SUGCT: variants seen among roughly 807,000 people sequenced by gnomAD.
SUGCT encodes the protein succinyl-CoA:glutarate CoA-transferase.
Under a neutral mutation model 55.0 loss-of-function variants are expected in SUGCT, and 41 were observed. That is an observed-to-expected ratio of 0.74 (90% confidence interval 0.58 to 0.97). SUGCT has a LOEUF of 0.97. Ranked by LOEUF, SUGCT falls within the 50% of genes least tolerant of loss-of-function variation. The pLI is 0.00. For synonymous variants in SUGCT, 187 were observed against 200.4 expected, an observed-to-expected ratio of 0.93 and a Z score of 0.56; for missense variants, 568 against 547.8, an observed-to-expected ratio of 1.04 and a Z score of -0.37.
intron 9 of SUGCT, among the ~76,000 whole-genome samples, chr7:40,425,786 G>T (rs1167581448): frequency 1.3e-5 from 2 of 152,190 alleles, no homozygotes; most frequent in East Asian, 3.9e-4. Context: ...AGGATATCAG[G>T]TTAAACCAGA....
intron 9 of SUGCT, among the ~76,000 whole-genome samples, chr7:40,353,820 T>G (rs1797758103): frequency 6.6e-6 from 1 of 152,224 alleles, no homozygotes; most frequent in African/African-American, 2.4e-5. Flanking sequence ...TTTTTCCACT[T>G]GTCACTTACT....
At chr7:40,811,432 A>G (rs1324807696) in intron 13 of SUGCT, among the ~76,000 whole-genome samples, 2 of 152,068 alleles carry the variant, frequency 1.3e-5, no homozygotes, top group African/African-American at 2.4e-5. Flanking sequence ...TGTTTAATGT[A>G]TGATTTCTTT....
intron 6 of SUGCT, among the ~76,000 whole-genome samples, chr7:40,219,432 T>C (rs967186009): frequency 9.2e-5 from 14 of 152,208 alleles, no homozygotes; most frequent in African/African-American, 3.4e-4. Context: ...GGAGAAGAAA[T>C]ACACACATGT....
At chr7:40,866,537 T>G in the SUGCT span, among the ~76,000 whole-genome samples, 54 of 150,690 alleles carry the variant, frequency 3.6e-4, no homozygotes, top group Non-Finnish European at 6.3e-4. Flanking sequence ...TGCAATGGCA[T>G]TGACACAGGC....
At position 40,788,666 on chromosome 7, in the gene SUGCT, C is replaced by A. The variant is rs190217198; in HGVS notation, c.1153+39169C>A. Among the ~76,000 whole-genome samples the A allele has an allele frequency of 3.3e-3, 497 of 152,314 alleles. 1 individual carries two copies. Among genetic ancestry groups the A allele is most frequent in the African/African-American group, 0.011 (471 of 41,578 alleles). On this transcript the variant is annotated intron_variant, in intron 13 of 13. Transcript: ENST00000335693. ...GTCTGCATTCAAAGTCCAGACATTT[C>A]TCAAGTCTGTCTCAGCCTTTGCTTT...
At chr7:40,799,102 A>G (rs1257483812) in intron 13 of SUGCT, among the ~76,000 whole-genome samples, 2 of 152,096 alleles carry the variant, frequency 1.3e-5, no homozygotes, top group East Asian at 3.9e-4. Context: ...CTCTGGGCCC[A>G]AACACATTTC....
At chr7:40,563,430 G>C (rs1391008408) in intron 12 of SUGCT, among the ~76,000 whole-genome samples, 2 of 152,112 alleles carry the variant, frequency 1.3e-5, no homozygotes, top group African/African-American at 4.8e-5. Context: ...TTTGGGCTGT[G>C]TGTGGTGGTT....
chr7:40,396,625 A>AT (rs1178030902), intron 9 of SUGCT, among the ~76,000 whole-genome samples: 1 of 152,212 alleles, frequency 6.6e-6, no homozygotes, highest in African/African-American at 2.4e-5. Context: ...TAAAATGTTA[A>AT]TCCCCCAGGA....
intron 10 of SUGCT, among the ~76,000 whole-genome samples, chr7:40,455,436 A>G (rs564976082): frequency 3.9e-5 from 6 of 152,368 alleles, no homozygotes; most frequent in Admixed American, 6.5e-5. Flanking sequence ...TGTCCAATTC[A>G]TATTTGAAAT....
intron 6 of SUGCT, among the ~76,000 whole-genome samples, chr7:40,215,390 G>A (rs1023655766): frequency 6.6e-6 from 1 of 152,140 alleles, no homozygotes; most frequent in Admixed American, 6.5e-5. Context: ...CTAGGCTCAA[G>A]TGGCCCACCC....
intron 12 of SUGCT, among the ~76,000 whole-genome samples, chr7:40,624,785 A>G (rs1018961364): frequency 2.1e-5 from 3 of 143,442 alleles, no homozygotes; most frequent in Non-Finnish European, 3.0e-5. Flanking sequence ...ACACACACAC[A>G]CACACACACA....
intron 8 of SUGCT, among the ~76,000 whole-genome samples, chr7:40,275,659 A>G (rs1199101878): frequency 2.0e-5 from 3 of 152,306 alleles, no homozygotes; most frequent in Non-Finnish European, 2.9e-5. Flanking sequence ...ATAAAATGCT[A>G]AATTTTAGAG....
chr7:40,704,383 GCACGCCATTA>G (rs543567804), intron 12 of SUGCT, among the ~76,000 whole-genome samples: 197 of 152,264 alleles, frequency 1.3e-3, no homozygotes, highest in African/African-American at 4.6e-3. Flanking sequence ...GCTCTTACAA[GCACGCCATTA>G]CCTAACCAAG....
intron 8 of SUGCT, 136 bp from the exon 9 acceptor site, chr7:40,316,624 A>G (rs1795445441): frequency 1.8e-6 from 1 of 558,754 alleles, no homozygotes; most frequent in South Asian, 2.9e-5. Context: ...ATGCCTGTAT[A>G]TTTTCTAACT....
intron 11 of SUGCT, among the ~76,000 whole-genome samples, chr7:40,465,551 A>C (rs553148977): frequency 3.9e-5 from 6 of 152,158 alleles, no homozygotes; most frequent in Non-Finnish European, 8.8e-5. Context: ...CGGAGGTTGC[A>C]GTGAGCCGAG....
At chr7:40,720,277 G>T (rs1308323699) in intron 12 of SUGCT, among the ~76,000 whole-genome samples, 1 of 152,098 alleles carries the variant, frequency 6.6e-6, no homozygotes, top group African/African-American at 2.4e-5. Context: ...TTGTCAAAAG[G>T]CACGTAAATG....
intron 13 of SUGCT, among the ~76,000 whole-genome samples, chr7:40,819,935 A>T (rs1375842473): frequency 3.3e-5 from 5 of 152,206 alleles, no homozygotes; most frequent in Non-Finnish European, 7.3e-5. Flanking sequence ...TAATTTTTGT[A>T]TAAGGTGTAA....
the SUGCT span, among the ~76,000 whole-genome samples, chr7:40,995,426 A>G: frequency 7.3e-6 from 1 of 137,420 alleles, no homozygotes. Context: ...ACTCTCTTTC[A>G]TCACCATAAC....
At chr7:40,232,724 C>A (rs1440646853) in intron 6 of SUGCT, among the ~76,000 whole-genome samples, 1 of 152,128 alleles carries the variant, frequency 6.6e-6, no homozygotes, top group Non-Finnish European at 1.5e-5. Context: ...ATAAATGCCA[C>A]AAGATGGCGA....
Sources: gnomAD v4.1 joint callset for allele counts (sites outside exome capture counted in the v4.1 genomes callset) on GRCh38, gnomAD v4.1.1 for gene constraint, MANE v1.5 for transcripts, NCBI Gene and HGNC (gene_info 2026-07-23, HGNC 2026-07-21) for gene names.